The following DIS3L2 variants were observed in gnomAD, a reference collection of about 807,000 sequenced individuals.
DIS3L2 encodes the protein DIS3-like exonuclease 2.
DIS3L2 carries 34 observed loss-of-function variants against 97.5 expected under a neutral mutation model. That is an observed-to-expected ratio of 0.35 (90% CI 0.27 to 0.46). DIS3L2 has a LOEUF of 0.46. Ranked by LOEUF, DIS3L2 falls within the 20% of genes least tolerant of loss-of-function variation. The pLI is 1.00. For synonymous variants in DIS3L2, 435 were observed against 445.2 expected (o/e 0.98, Z 0.29); for missense variants, 1,038 against 1,146.0 (o/e 0.91, Z 1.36).
intron 9 of DIS3L2, among the ~76,000 whole-genome samples, chr2:232,203,706 CAG>C (rs1691957004): frequency 6.6e-6 from 1 of 152,232 alleles, no homozygotes; most frequent in African/African-American, 2.4e-5. Context: ...ATGCCAGAGA[CAG>C]TGGCTGTTGC....
chr2:231,966,973 G>A (rs1160715406), intron 1 of DIS3L2, among the ~76,000 whole-genome samples: 4 of 152,134 alleles, frequency 2.6e-5, no homozygotes, highest in Non-Finnish European at 5.9e-5. Flanking sequence ...CAGTTATGTT[G>A]AGGCAAGACT....
At chr2:232,022,786 A>G (rs1340675334) in intron 3 of DIS3L2, among the ~76,000 whole-genome samples, 2 of 152,184 alleles carry the variant, frequency 1.3e-5, no homozygotes, top group Admixed American at 1.3e-4. Context: ...GTTAGGAAAT[A>G]TTTGTTGAGT....
intron 11 of DIS3L2, among the ~76,000 whole-genome samples, chr2:232,240,061 C>A (rs1693039105): frequency 6.6e-6 from 1 of 152,206 alleles, no homozygotes; most frequent in Non-Finnish European, 1.5e-5. Flanking sequence ...ACCCTTTGCT[C>A]CTGCTACAAA....
intron 13 of DIS3L2, among the ~76,000 whole-genome samples, chr2:232,270,742 T>C (rs1440572085): frequency 6.6e-6 from 1 of 152,228 alleles, no homozygotes; most frequent in African/African-American, 2.4e-5. Context: ...TCCAGAGAGG[T>C]TGTACCAATT....
At chr2:232,100,404 T>C (rs1181050987) in intron 6 of DIS3L2, among the ~76,000 whole-genome samples, 3 of 152,026 alleles carry the variant, frequency 2.0e-5, no homozygotes, top group Non-Finnish European at 1.5e-5. Context: ...TAATTTAATT[T>C]CTTATTTTCC....
At chr2:232,216,143 C>T (rs553288026) in intron 10 of DIS3L2, among the ~76,000 whole-genome samples, 70 of 151,450 alleles carry the variant, frequency 4.6e-4, no homozygotes, top group African/African-American at 1.5e-3. Flanking sequence ...GTTGCTTTCT[C>T]ACTTCCCGTT....
chr2:232,220,564 G>A (rs1692470699), intron 10 of DIS3L2, among the ~76,000 whole-genome samples: 1 of 151,990 alleles, frequency 6.6e-6, no homozygotes, highest in Non-Finnish European at 1.5e-5. Context: ...AAAATTAGCT[G>A]GGTGTGGTGG....
chr2:232,016,950 C>G (rs953283622), intron 3 of DIS3L2, among the ~76,000 whole-genome samples: 68 of 139,760 alleles, frequency 4.9e-4, no homozygotes, highest in African/African-American at 1.5e-3. Context: ...CCCTTCCTTC[C>G]TTCCTTCACC....
intron 11 of DIS3L2, among the ~76,000 whole-genome samples, chr2:232,243,416 T>C (rs984427961): frequency 6.6e-6 from 1 of 151,712 alleles, no homozygotes; most frequent in African/African-American, 2.4e-5. Flanking sequence ...TCCACCAAGA[T>C]AGAAAATCAC....
chr2:232,110,215 G>GA (rs1275246516), intron 6 of DIS3L2, among the ~76,000 whole-genome samples: 6 of 152,244 alleles, frequency 3.9e-5, no homozygotes, highest in African/African-American at 1.2e-4. Flanking sequence ...AGGCTGTGGA[G>GA]AAAAAAGGAA....
At chr2:232,333,222 CTGT>C (rs1454930766) in intron 16 of DIS3L2, among the ~76,000 whole-genome samples, 15 of 83,350 alleles carry the variant, frequency 1.8e-4, no homozygotes, top group Admixed American at 5.0e-4. Context: ...TCCTCCTCCG[CTGT>C]CGCCTCCTCC....
intron 1 of DIS3L2, among the ~76,000 whole-genome samples, chr2:232,000,614 T>TTTCCTTTCCTTCCC (rs1693855158): frequency 7.2e-5 from 3 of 41,504 alleles, no homozygotes; most frequent in Admixed American, 5.2e-4. Context: ...TTTCCTTTCT[T>TTTCCTTTCCTTCCC]TTCCTTTCCT....
intron 8 of DIS3L2, among the ~76,000 whole-genome samples, chr2:232,161,468 A>C (rs6756741): frequency 0.93 from 140,953 of 152,244 alleles, 65,319 homozygotes; most frequent in East Asian, 1. Context: ...TCTCTCCATT[A>C]CTTCCTTTCC....
intron 13 of DIS3L2, among the ~76,000 whole-genome samples, chr2:232,277,167 C>T (rs994225453): frequency 2.0e-5 from 3 of 152,096 alleles, no homozygotes; most frequent in African/African-American, 7.2e-5. Flanking sequence ...AAGGGAGCTC[C>T]GTGGTGAGGG....
chr2:232,255,890 G>A (rs1693548577), intron 12 of DIS3L2, among the ~76,000 whole-genome samples: 1 of 152,168 alleles, frequency 6.6e-6, no homozygotes, highest in African/African-American at 2.4e-5. Flanking sequence ...CATCCAGTCT[G>A]CCAGTGTGTC....
At position 232,015,826 on chromosome 2, in the gene DIS3L2, CA is replaced by C. The variant is rs755936135; in HGVS notation, c.210+156del. 32 of 750,930 alleles carry C rather than the reference CA, an allele frequency of 4.3e-5. No homozygotes were observed. In the Admixed American group the frequency reaches 4.3e-4, roughly 10 times the overall value. 46.5% of individuals were successfully genotyped at this position (750,930 alleles called of 1,614,324 possible). ...TGGCATAACAGAGATGATGAGGTAA[CA>C]GATTCTTCTTAGAACTACAGTACAT... On this transcript the variant is annotated intron_variant, in intron 3 of 20. Coordinates refer to ENST00000325385, the MANE Select transcript of DIS3L2 (RefSeq NM_152383.5).
At chr2:232,187,259 G>C (rs956239872) in intron 9 of DIS3L2, among the ~76,000 whole-genome samples, 1 of 152,112 alleles carries the variant, frequency 6.6e-6, no homozygotes, top group Admixed American at 6.5e-5. Flanking sequence ...CAGATAACAA[G>C]TGTTGGTGAG....
intron 10 of DIS3L2, among the ~76,000 whole-genome samples, chr2:232,217,202 G>A (rs1477592394): frequency 6.6e-6 from 1 of 152,120 alleles, no homozygotes; most frequent in South Asian, 2.1e-4. Context: ...TGCTGATGAG[G>A]GATCACACCT....
chr2:232,329,785 T>TGCCGGGGGGGCGC, intron 14 of DIS3L2, 28 bp from the exon 15 acceptor site: 10 of 967,142 alleles, frequency 1.0e-5, no homozygotes, highest in Non-Finnish European at 1.5e-5. Flanking sequence ...ACCCCAGCGG[T>TGCCGGGGGGGCGC]CCCTCCCATC....
Sources: allele counts gnomAD v4.1 joint callset (sites outside exome capture counted in the v4.1 genomes callset), GRCh38; gene constraint gnomAD v4.1.1; transcripts MANE v1.5; gene names NCBI Gene and HGNC (gene_info 2026-07-23, HGNC 2026-07-21).